MAF: variants seen among roughly 807,000 people sequenced by gnomAD.
The protein encoded by MAF is transcription factor Maf.
MAF carries 10 observed loss-of-function variants against 22.0 expected under a neutral mutation model. The observed-to-expected ratio is 0.45, with a 90% CI of 0.28 to 0.77. The LOEUF (loss-of-function observed/expected upper bound fraction) is 0.77, where lower values mean the gene tolerates loss of function less well. Ranked by LOEUF, MAF falls within the 30% of genes least tolerant of loss-of-function variation. The pLI is 0.12. For missense variants in MAF, 544 were observed against 548.4 expected, an observed-to-expected ratio of 0.99 and a Z score of 0.08; for synonymous variants, 337 against 255.8, an observed-to-expected ratio of 1.32 and a Z score of -3.03.
At chr16:79,479,805 T>C in the MAF span, among the ~76,000 whole-genome samples, 1 of 152,226 alleles carries the variant, frequency 6.6e-6, no homozygotes, top group Non-Finnish European at 1.5e-5. Context: ...TTGGCATTGT[T>C]GACCTCATGT....
chr16:79,423,226 T>G, the MAF span, among the ~76,000 whole-genome samples: 1 of 152,188 alleles, frequency 6.6e-6, no homozygotes, highest in African/African-American at 2.4e-5. Flanking sequence ...AAATTCAAAT[T>G]TAACTGGGTG....
the MAF span, among the ~76,000 whole-genome samples, chr16:79,405,028 A>G: frequency 6.6e-6 from 1 of 152,198 alleles, no homozygotes; most frequent in Admixed American, 6.5e-5. Context: ...CTGGAAGATT[A>G]GATGGTGAGT....
the MAF span, among the ~76,000 whole-genome samples, chr16:79,376,768 C>A: frequency 6.6e-6 from 1 of 152,068 alleles, no homozygotes; most frequent in Admixed American, 6.6e-5. Flanking sequence ...AGTGAGAACA[C>A]GTGGTGTTTG....
chr16:79,561,491 G>A, the MAF span, among the ~76,000 whole-genome samples: 24 of 135,460 alleles, frequency 1.8e-4, no homozygotes, highest in African/African-American at 4.0e-4. Flanking sequence ...AACAGTCCCC[G>A]GTGTGTGATG....
At chr16:79,519,236 T>C in the MAF span, among the ~76,000 whole-genome samples, 1 of 152,096 alleles carries the variant, frequency 6.6e-6, no homozygotes, top group Non-Finnish European at 1.5e-5. Context: ...GAGCTCGGGA[T>C]ACCCAGAAAC....
downstream of MAF, among the ~76,000 whole-genome samples, chr16:79,591,462 C>T (rs1215533964): frequency 1.3e-5 from 2 of 152,116 alleles, no homozygotes; most frequent in Non-Finnish European, 2.9e-5. Context: ...TTGCAATCCA[C>T]AGTTCTAATT....
the MAF span, among the ~76,000 whole-genome samples, chr16:79,365,809 T>C: frequency 1.3e-5 from 2 of 152,210 alleles, no homozygotes; most frequent in Admixed American, 6.5e-5. Context: ...AGGTGCCATG[T>C]TCCTTCAAAG....
the MAF span, among the ~76,000 whole-genome samples, chr16:79,353,408 C>T: frequency 4.6e-5 from 7 of 152,142 alleles, no homozygotes; most frequent in African/African-American, 1.4e-4. Flanking sequence ...GGATTACAGG[C>T]TTGAGCCACC....
chr16:79,529,400 G>A, the MAF span, among the ~76,000 whole-genome samples: 1 of 152,038 alleles, frequency 6.6e-6, no homozygotes, highest in East Asian at 1.9e-4. Context: ...AAAATTAAAG[G>A]AACACATCCG....
the MAF span, among the ~76,000 whole-genome samples, chr16:79,222,812 G>T: frequency 1.3e-5 from 2 of 152,158 alleles, no homozygotes; most frequent in Non-Finnish European, 1.5e-5. Flanking sequence ...AATGCAACAA[G>T]AACTAACTAT....
the MAF span, among the ~76,000 whole-genome samples, chr16:79,289,854 A>G: frequency 5.4e-5 from 3 of 55,636 alleles, no homozygotes; most frequent in Non-Finnish European, 1.2e-4. Context: ...TTGTTTGTGT[A>G]TTTTTTTTTT....
At chr16:79,285,626 T>C in the MAF span, among the ~76,000 whole-genome samples, 1 of 152,148 alleles carries the variant, frequency 6.6e-6, no homozygotes, top group Admixed American at 6.5e-5. Flanking sequence ...ATGGTGATTC[T>C]GGTGGCCTCC....
At chr16:79,596,142 T>C (rs779832299) in intron 1 of MAF, 3 of 1,062,790 alleles carry the variant, frequency 2.8e-6, no homozygotes, top group Non-Finnish European at 3.4e-6. Context: ...TATGGATGGC[T>C]TTGCTCCTGA....
chr16:79,211,576 AT>A, the MAF span: 224 of 1,607,654 alleles, frequency 1.4e-4, 1 homozygote, highest in East Asian at 3.6e-3. Context: ...TTTTCTTAAA[AT>A]TTTTTTTTGT....
At chr16:79,369,638 T>C in the MAF span, among the ~76,000 whole-genome samples, 2 of 152,314 alleles carry the variant, frequency 1.3e-5, no homozygotes, top group East Asian at 1.9e-4. Context: ...GGAAGCAACT[T>C]TGGGGGAATT....
chr16:79,357,383 G>C, the MAF span, among the ~76,000 whole-genome samples: 4 of 152,204 alleles, frequency 2.6e-5, no homozygotes, highest in African/African-American at 7.2e-5. Context: ...TTGGCAGCCA[G>C]AGGTTGCAGT....
the MAF span, among the ~76,000 whole-genome samples, chr16:79,535,136 G>A: frequency 0.9 from 136,423 of 151,842 alleles, 61,728 homozygotes; most frequent in South Asian, 0.98. Flanking sequence ...GCTCTCTAAC[G>A]AACCACCCAC....
chr16:79,244,911 C>G, the MAF span, among the ~76,000 whole-genome samples: 1 of 151,986 alleles, frequency 6.6e-6, no homozygotes, highest in Admixed American at 6.6e-5. Flanking sequence ...GAAATAATAC[C>G]ACACCTCTAC....
chr16:79,498,246 G>C, the MAF span, among the ~76,000 whole-genome samples: 2 of 152,152 alleles, frequency 1.3e-5, no homozygotes, highest in African/African-American at 4.8e-5. Flanking sequence ...TTTGTAAAGG[G>C]CCACGTGGTC....
Sources: gnomAD v4.1 joint callset for allele counts (sites outside exome capture counted in the v4.1 genomes callset) on GRCh38, gnomAD v4.1.1 for gene constraint, MANE v1.5 for transcripts, NCBI Gene and HGNC (gene_info 2026-07-23, HGNC 2026-07-21) for gene names.